PRKAG2: variants seen among roughly 807,000 people sequenced by gnomAD.
PRKAG2 encodes the protein protein kinase AMP-activated non-catalytic subunit gamma 2, also known as 5'-AMP-activated protein kinase subunit gamma-2.
PRKAG2 carries 26 observed loss-of-function variants against 69.6 expected under a neutral mutation model. The ratio of observed to expected loss-of-function variants is 0.37; its 90% confidence interval spans 0.27 to 0.52. PRKAG2 has a LOEUF of 0.52. Among genes scored for constraint, PRKAG2 ranks in the 20% least tolerant of loss-of-function variants. The probability of loss-of-function intolerance (pLI) is 0.90; values close to 1 mark genes in which losing one functional copy is unlikely to be tolerated. For synonymous variants in PRKAG2, 293 were observed against 285.0 expected (o/e 1.03, Z -0.28); for missense variants, 557 against 740.0 (o/e 0.75, Z 2.87).
chr7:151,776,916 A>G (rs1214233737), intron 3 of PRKAG2, among the ~76,000 whole-genome samples: 1 of 152,174 alleles, frequency 6.6e-6, no homozygotes, highest in Non-Finnish European at 1.5e-5. Flanking sequence ...GGGGCCTCAC[A>G]GTCTCTGCTT....
intron 15 of PRKAG2, chr7:151,559,710 T>C (rs1018609480): frequency 8.4e-5 from 83 of 985,284 alleles, no homozygotes; most frequent in Middle Eastern, 5.2e-4. Flanking sequence ...ATCAATACTG[T>C]AGCACACACA....
intron 8 of PRKAG2, 101 bp downstream of exon 8, chr7:151,574,790 A>G (rs1808495062): frequency 6.5e-7 from 1 of 1,544,066 alleles, no homozygotes; most frequent in South Asian, 1.2e-5. Context: ...AAAAAAGAAA[A>G]AACTGAAAAC....
chr7:151,718,797 C>T (rs927258490), intron 3 of PRKAG2, among the ~76,000 whole-genome samples: 7 of 152,138 alleles, frequency 4.6e-5, no homozygotes, highest in South Asian at 2.1e-4. Flanking sequence ...CCAAAGATGA[C>T]GGCTCAATGG....
chr7:151,569,906 T>G (rs1807145813), intron 10 of PRKAG2, among the ~76,000 whole-genome samples: 1 of 152,238 alleles, frequency 6.6e-6, no homozygotes, highest in African/African-American at 2.4e-5. Flanking sequence ...ATCTGCAATT[T>G]CAACACGCCC....
chr7:151,719,412 C>T lies in PRKAG2; in HGVS notation c.467-43775G>A, dbSNP rs1830352321. ...TCCCCCTTCACACAGAGACCATGCT[C>T]CCAACCCACCCCAAACCCGCCAGCA... On this transcript the variant is annotated intron_variant, in intron 3 of 15. Transcript: ENST00000287878. This position sits in a 1 kb window ranked among gnomAD's most constrained non-coding sequence, Gnocchi z 5.2. 6.6e-6 allele frequency among the ~76,000 whole-genome samples: 1 copy of T among 152,054 alleles called. No individual in the cohort carries two copies. Among genetic ancestry groups the T allele is most frequent in the African/African-American group, 2.4e-5 (1 of 41,402 alleles).
chr7:151,770,453 C>G (rs549778151), intron 3 of PRKAG2, among the ~76,000 whole-genome samples: 1 of 152,338 alleles, frequency 6.6e-6, no homozygotes, highest in East Asian at 1.9e-4. Flanking sequence ...CATTTGGCCA[C>G]GCTGTTCAGC....
At chr7:151,775,787 C>T (rs1048759344) in intron 3 of PRKAG2, among the ~76,000 whole-genome samples, 2 of 152,190 alleles carry the variant, frequency 1.3e-5, no homozygotes, top group African/African-American at 4.8e-5. Flanking sequence ...CATGACATCC[C>T]TCCAGTGGAC....
chr7:151,689,185 G>C (rs975061335), intron 3 of PRKAG2, among the ~76,000 whole-genome samples: 2 of 152,212 alleles, frequency 1.3e-5, no homozygotes, highest in African/African-American at 4.8e-5. Flanking sequence ...CTTTGAGTCT[G>C]CTCTGAACCC....
chr7:151,716,551 A>ATGAGCTTTTC lies in PRKAG2; in HGVS notation c.467-40915_467-40914insGAAAAGCTCA, dbSNP rs1156960111. 7.9e-5 allele frequency among the ~76,000 whole-genome samples: 12 copies of ATGAGCTTTTC among 152,308 alleles called. No individual in the cohort carries two copies. In the South Asian group the frequency reaches 2.5e-3, roughly 32 times the overall value. On this transcript the variant is annotated intron_variant, in intron 3 of 15. Coordinates refer to ENST00000287878, the MANE Select transcript of PRKAG2 (RefSeq NM_016203.4). Reference sequence around the variant, plus strand: ...ATACTTGTTCCCATGCTTGACACGCACAGAACCCCGCCCAGCCTTGCACTT... The same window carrying ATGAGCTTTTC: ...ATACTTGTTCCCATGCTTGACACGCATGAGCTTTTCCAGAACCCCGCCCAGCCTTGCACTT...
intron 5 of PRKAG2, among the ~76,000 whole-genome samples, chr7:151,604,019 G>T (rs1816874012): frequency 6.6e-6 from 1 of 152,150 alleles, no homozygotes; most frequent in Non-Finnish European, 1.5e-5. Flanking sequence ...ACCCACCTGT[G>T]GCTGATGGAC....
intron 5 of PRKAG2, among the ~76,000 whole-genome samples, chr7:151,617,449 G>T (rs1042508031): frequency 3.9e-5 from 6 of 152,116 alleles, no homozygotes; most frequent in Non-Finnish European, 7.4e-5. Flanking sequence ...ATTGAAGGTG[G>T]ATGGTGGCTA....
At chr7:151,720,846 T>C (rs1365231332) in intron 3 of PRKAG2, among the ~76,000 whole-genome samples, 1 of 92,290 alleles carries the variant, frequency 1.1e-5, no homozygotes, top group Non-Finnish European at 2.0e-5. Flanking sequence ...CAGAAGGGCA[T>C]GGAGGAGAAT....
Position 151,570,153 on chromosome 7 carries a change from A to C in PRKAG2, c.1106+18T>G. ...ACATCTGAATGAATGTTTTCAAAGA[A>C]AAAAAAAACAAGTTTACCTTGCATC... On this transcript the variant is annotated intron_variant, in intron 10 of 15. Transcript: ENST00000287878. 6.3e-7 allele frequency: 1 copy of C among 1,593,200 alleles called. No individual in the cohort carries two copies. Among genetic ancestry groups the C allele is most frequent in the Non-Finnish European group, 8.6e-7 (1 of 1,168,096 alleles).
chr7:151,827,541 A>G (rs2078929277), intron 1 of PRKAG2, among the ~76,000 whole-genome samples: 1 of 152,044 alleles, frequency 6.6e-6, no homozygotes, highest in Admixed American at 6.6e-5. Flanking sequence ...ACCCAGCCGG[A>G]ACTGGGGTTT....
At chr7:151,616,128 G>A (rs904657621) in intron 5 of PRKAG2, among the ~76,000 whole-genome samples, 3 of 152,206 alleles carry the variant, frequency 2.0e-5, no homozygotes, top group Non-Finnish European at 4.4e-5. Context: ...TGGTGGGGGC[G>A]TGAAGCAAAG....
intron 11 of PRKAG2, among the ~76,000 whole-genome samples, chr7:151,568,027 G>A (rs1214198105): frequency 6.6e-6 from 1 of 152,200 alleles, no homozygotes; most frequent in Non-Finnish European, 1.5e-5. Flanking sequence ...CTATTTGACT[G>A]ATTACTTACA....
Position 151,675,512 on chromosome 7 carries a change from G to C in PRKAG2, c.592C>G (p.Pro198Ala), listed in dbSNP as rs753859556. Reference protein sequence around the residue: ...ENRIYASSSPPDTGQRFCPSS... With the variant: ...ENRIYASSSPADTGQRFCPSS... ...GGGCAGAACCTCTGCCCTGTGTCCG[G>C]GGGGGAAGACGAGGCATAGATGCGA... The change falls in exon 4 of 16, where the codon CCG becomes GCG. Residue 198 changes from proline (P) to alanine (A), a missense_variant. Pro to Ala is a conservative substitution (Grantham distance 27). Transcript: ENST00000287878. 1.2e-6 allele frequency: 2 copies of C among 1,614,192 alleles called. No individual in the cohort carries two copies. Among genetic ancestry groups the C allele is most frequent in the Non-Finnish European group, 1.7e-6 (2 of 1,180,038 alleles).
chr7:151,577,505 T>A (rs1191005532), intron 6 of PRKAG2, among the ~76,000 whole-genome samples: 2 of 152,218 alleles, frequency 1.3e-5, no homozygotes, highest in African/African-American at 4.8e-5. Context: ...ATTTTAAAGT[T>A]GCAGCTCCTA....
At chr7:151,722,756 C>T (rs755934412) in intron 3 of PRKAG2, among the ~76,000 whole-genome samples, 3 of 152,112 alleles carry the variant, frequency 2.0e-5, no homozygotes, top group Admixed American at 6.5e-5. Flanking sequence ...TTCCCAGTCC[C>T]GGCTGTCACA....
Sources: allele counts gnomAD v4.1 joint callset (sites outside exome capture counted in the v4.1 genomes callset), GRCh38; gene constraint gnomAD v4.1.1; non-coding constraint Gnocchi (gnomAD v3.1); transcripts MANE v1.5; gene names NCBI Gene and HGNC (gene_info 2026-07-23, HGNC 2026-07-21).